Variants in KDM4C observed in about 807,000 individuals in gnomAD.
KDM4C encodes lysine demethylase 4C.
Under a neutral mutation model 129.3 loss-of-function variants are expected in KDM4C, and 81 were observed. That is an observed-to-expected ratio of 0.63 (90% CI 0.52 to 0.75). KDM4C has a LOEUF of 0.75. KDM4C is among the 30% of genes least tolerant of loss of function. The pLI is 0.00. For missense variants in KDM4C, 1,457 were observed against 1,304.0 expected, an observed-to-expected ratio of 1.12 and a Z score of -1.81; for synonymous variants, 573 against 456.1, an observed-to-expected ratio of 1.26 and a Z score of -3.26.
intron 19 of KDM4C, among the ~76,000 whole-genome samples, chr9:7,162,929 T>C (rs111957460): frequency 2.1e-4 from 32 of 152,058 alleles, no homozygotes; most frequent in African/African-American, 7.7e-4. Context: ...GATTTGGAGA[T>C]GTAAAGTATC....
chr9:6,840,841 ATGG>A (rs1472132649), intron 4 of KDM4C, among the ~76,000 whole-genome samples: 2 of 152,090 alleles, frequency 1.3e-5, no homozygotes, highest in Non-Finnish European at 2.9e-5. Flanking sequence ...TCTATGTGAG[ATGG>A]TGGTGCATGC....
At chr9:7,066,488 C>T (rs571361694) in intron 17 of KDM4C, among the ~76,000 whole-genome samples, 3 of 152,224 alleles carry the variant, frequency 2.0e-5, no homozygotes, top group South Asian at 4.1e-4. Flanking sequence ...TAGTATAGAT[C>T]ATTTAAACAA....
chr9:6,944,633 A>G (rs890685044), intron 8 of KDM4C, among the ~76,000 whole-genome samples: 1 of 122,844 alleles, frequency 8.1e-6, no homozygotes, highest in African/African-American at 3.1e-5. Context: ...CCAGCAACAC[A>G]CTTTTTGTCA....
intron 1 of KDM4C, among the ~76,000 whole-genome samples, chr9:6,741,480 C>G (rs1242036930): frequency 1.3e-5 from 2 of 152,038 alleles, no homozygotes; most frequent in Non-Finnish European, 2.9e-5. Context: ...GGTATTTAGC[C>G]TTTTTATTGT....
intron 1 of KDM4C, among the ~76,000 whole-genome samples, chr9:6,790,561 T>C (rs1826361548): frequency 6.8e-6 from 1 of 147,480 alleles, no homozygotes; most frequent in Non-Finnish European, 1.5e-5. Context: ...CCAGCCCTGC[T>C]CTGTTTTAAC....
intron 13 of KDM4C, among the ~76,000 whole-genome samples, chr9:7,013,214 A>T (rs541379473): frequency 1.1e-3 from 162 of 152,352 alleles, no homozygotes; most frequent in African/African-American, 3.8e-3. Context: ...GTAATTCATT[A>T]CTTATACTTT....
At chr9:6,883,638 T>C (rs1844812644) in intron 6 of KDM4C, among the ~76,000 whole-genome samples, 1 of 152,200 alleles carries the variant, frequency 6.6e-6, no homozygotes, top group African/African-American at 2.4e-5. Flanking sequence ...TGAAAGACTT[T>C]TAGTTCCCTT....
chr9:7,041,641 G>C (rs1294797598), intron 15 of KDM4C, among the ~76,000 whole-genome samples: 5 of 151,886 alleles, frequency 3.3e-5, no homozygotes. Flanking sequence ...TCCAGAAAGG[G>C]TGTGCTGCTT....
intron 12 of KDM4C, among the ~76,000 whole-genome samples, chr9:6,994,372 CTT>C (rs1421177154): frequency 6.6e-6 from 1 of 152,192 alleles, no homozygotes; most frequent in African/African-American, 2.4e-5. Flanking sequence ...GTGTGGCACT[CTT>C]TTCCTTCTTG....
intron 5 of KDM4C, among the ~76,000 whole-genome samples, chr9:6,876,462 G>T (rs1257096400): frequency 2.6e-5 from 4 of 152,184 alleles, no homozygotes; most frequent in Admixed American, 2.0e-4. Flanking sequence ...ATGTCTCTTA[G>T]ATGGTGCTTT....
At chr9:7,008,381 G>A (rs922879848) in intron 12 of KDM4C, among the ~76,000 whole-genome samples, 3 of 152,088 alleles carry the variant, frequency 2.0e-5, no homozygotes, top group African/African-American at 4.8e-5. Flanking sequence ...CAGCACCCAC[G>A]GAGCCAGCCT....
Position 7,050,477 on chromosome 9 carries a change from C to T in KDM4C, c.2424+1277C>T, listed in dbSNP as rs1373143575. Among the ~76,000 whole-genome samples, 14 of 73,800 alleles carry T rather than the reference C, an allele frequency of 1.9e-4. No individual in the cohort carries two copies. The East Asian group carries it at 1.9e-3, about 10-fold the overall frequency. 48.4% of individuals were successfully genotyped at this position (73,800 alleles called of 152,430 possible). A position where few individuals can be genotyped will look rare whatever the true frequency, so the allele number is the denominator to read the frequency against. On this transcript the variant is annotated intron_variant, in intron 17 of 21. Transcript: ENST00000381309. ...AAAAGACACCAAAAAACAAACAAAA[C>T]GTTTGTAAGAATTAGGACTATAAGA...
At chr9:7,152,634 C>T (rs1360062357) in intron 19 of KDM4C, among the ~76,000 whole-genome samples, 1 of 152,146 alleles carries the variant, frequency 6.6e-6, no homozygotes, top group East Asian at 1.9e-4. Context: ...GATGAAGTCA[C>T]AACACTTTGA....
At chr9:7,088,380 T>A (rs1022861285) in intron 17 of KDM4C, among the ~76,000 whole-genome samples, 1 of 152,208 alleles carries the variant, frequency 6.6e-6, no homozygotes, top group Non-Finnish European at 1.5e-5. Flanking sequence ...TTTTAAACTC[T>A]CCTTTAAGAA....
chr9:7,043,521 T>C (rs1159293012), intron 15 of KDM4C, among the ~76,000 whole-genome samples: 4 of 152,184 alleles, frequency 2.6e-5, no homozygotes, highest in South Asian at 4.1e-4. Flanking sequence ...TTATCTGTTA[T>C]GTTTTCTACT....
In KDM4C at chr9:6,980,517, A is replaced by G. The variant is rs186797215; in HGVS notation, c.922-408A>G. On this transcript the variant is annotated intron_variant, in intron 8 of 21. Transcript: ENST00000381309. ...TTTATCTCAACTCACTGGTTAAAGT[A>G]TTCTAATCACACATTCATTGGGTTA... 3.3e-5 allele frequency among the ~76,000 whole-genome samples: 5 copies of G among 152,356 alleles called. No homozygotes were observed. In the East Asian group the frequency reaches 9.6e-4, roughly 29 times the overall value.
chr9:6,904,637 T>G (rs929076880), intron 8 of KDM4C, among the ~76,000 whole-genome samples: 6 of 152,226 alleles, frequency 3.9e-5, no homozygotes, highest in Non-Finnish European at 8.8e-5. Context: ...CTTATTCCAC[T>G]ACAGTTAATA....
chr9:7,029,290 A>G (rs370985912), intron 15 of KDM4C, among the ~76,000 whole-genome samples: 1 of 94,874 alleles, frequency 1.1e-5, no homozygotes, highest in African/African-American at 4.3e-5. Context: ...GTTTCCCCCC[A>G]CCGTTTTTTT....
At chr9:7,167,831 A>C (rs1376902055) in intron 20 of KDM4C, among the ~76,000 whole-genome samples, 2 of 152,170 alleles carry the variant, frequency 1.3e-5, no homozygotes, top group African/African-American at 4.8e-5. Flanking sequence ...TCCACTCAAG[A>C]GAGTGTTTGC....
Sources: gnomAD v4.1 joint callset for allele counts (sites outside exome capture counted in the v4.1 genomes callset) on GRCh38, gnomAD v4.1.1 for gene constraint, MANE v1.5 for transcripts, NCBI Gene and HGNC (gene_info 2026-07-23, HGNC 2026-07-21) for gene names.